PPP1R12B: variants seen among roughly 807,000 people sequenced by gnomAD.
PPP1R12B encodes the protein myosin phosphatase target subunit 2.
In PPP1R12B, 76 loss-of-function variants were observed where a neutral mutation model predicts 126.1. The observed-to-expected ratio is 0.60, with a 90% CI of 0.50 to 0.73. The LOEUF is 0.73. PPP1R12B is among the 30% of genes least tolerant of loss of function. PPP1R12B has a pLI of 0.00. For missense variants in PPP1R12B, 1,052 were observed against 1,205.1 expected, an observed-to-expected ratio of 0.87 and a Z score of 1.88; for synonymous variants, 356 against 434.7, an observed-to-expected ratio of 0.82 and a Z score of 2.25.
intron 18 of PPP1R12B, among the ~76,000 whole-genome samples, chr1:202,515,997 C>T (rs964090417): frequency 4.6e-5 from 7 of 152,224 alleles, no homozygotes; most frequent in Admixed American, 6.5e-5. Context: ...TCAAGTCCCT[C>T]CTCTGCTACT....
chr1:202,349,499 G>A (rs1463161223), intron 1 of PPP1R12B, among the ~76,000 whole-genome samples: 1 of 152,198 alleles, frequency 6.6e-6, no homozygotes, highest in Non-Finnish European at 1.5e-5. Context: ...CATAGGCACA[G>A]TGTCATTTGT....
Position 202,590,302 on chromosome 1 carries a change from T to G in PPP1R12B, c.*9742T>G, listed in dbSNP as rs1333211359. On this transcript the variant is annotated 3_prime_UTR_variant, in exon 24 of 24. Transcript: ENST00000608999. ...CCGCCCCGCCCAGCCTCCCAGACAA[T>G]GTTCCCCGGCACCACCACACTCCCC... is the stretch of plus-strand genomic sequence containing the variant. 3.7e-5 allele frequency: 3 copies of G among 80,448 alleles called. No homozygotes were observed. The highest frequency in any genetic ancestry group is 1.5e-4 in the African/African-American group (3 of 20,568). The allele number at this position is 80,448 out of a possible 1,614,324, so 5.0% of individuals were successfully genotyped here. A position where few individuals can be genotyped will look rare whatever the true frequency, so the allele number is the denominator to read the frequency against.
In PPP1R12B at chr1:202,532,509, A is replaced by G. The variant is rs553725737; in HGVS notation, c.2491-26368A>G. Among the ~76,000 whole-genome samples, 4 of 152,316 alleles carry G rather than the reference A, an allele frequency of 2.6e-5. 1 individual carries two copies. The East Asian group carries it at 7.7e-4, about 29-fold the overall frequency. Reference sequence around the variant, plus strand: ...CCAATACCTTAGTCTACTATGTGTAATGCATTCCAACATTTGCTATTCTGT... The same window carrying G: ...CCAATACCTTAGTCTACTATGTGTAGTGCATTCCAACATTTGCTATTCTGT... On this transcript the variant is annotated intron_variant, in intron 18 of 23. Transcript: ENST00000608999.
chr1:202,394,436 T>A (rs1664622622), intron 1 of PPP1R12B, among the ~76,000 whole-genome samples: 1 of 152,124 alleles, frequency 6.6e-6, no homozygotes, highest in Non-Finnish European at 1.5e-5. Context: ...AAAAATATAC[T>A]CTGTGTTACT....
At chr1:202,481,709 TA>T (rs1677395870) in intron 13 of PPP1R12B, among the ~76,000 whole-genome samples, 1 of 152,246 alleles carries the variant, frequency 6.6e-6, no homozygotes, top group African/African-American at 2.4e-5. Context: ...TCCATGCATT[TA>T]TCATTTCCTT....
chr1:202,403,798 A>G (rs533625961), intron 1 of PPP1R12B, among the ~76,000 whole-genome samples: 1 of 152,338 alleles, frequency 6.6e-6, no homozygotes, highest in South Asian at 2.1e-4. Context: ...ACTTCCTTAT[A>G]TTCCCTGTTT....
At chr1:202,400,576 G>A (rs1434400171) in intron 1 of PPP1R12B, among the ~76,000 whole-genome samples, 1 of 152,244 alleles carries the variant, frequency 6.6e-6, no homozygotes, top group Non-Finnish European at 1.5e-5. Context: ...GAAACAGCAT[G>A]TGTAAATATA....
intron 18 of PPP1R12B, among the ~76,000 whole-genome samples, chr1:202,521,502 CAAGAA>C (rs765539617): frequency 3.3e-5 from 5 of 151,942 alleles, no homozygotes; most frequent in Non-Finnish European, 7.4e-5. Flanking sequence ...GATAATGAAA[CAAGAA>C]GAGAAAGCTG....
rs1450421135 is a variant in PPP1R12B, at chr1:202,500,987, C to T, written c.2490+4165C>T. Reference sequence around the variant, plus strand: ...ACATAGTGCATAGTTTTAGTCTGAACCCATCTCCACTGGTAAATCCATGAA... The same window carrying T: ...ACATAGTGCATAGTTTTAGTCTGAATCCATCTCCACTGGTAAATCCATGAA... On this transcript the variant is annotated intron_variant, in intron 18 of 23. Transcript: ENST00000608999. Among the ~76,000 whole-genome samples the T allele has an allele frequency of 2.6e-5, 4 of 152,190 alleles. No individual in the cohort carries two copies. In the East Asian group the frequency reaches 7.7e-4, roughly 29 times the overall value.
In PPP1R12B at chr1:202,508,007, C is replaced by T. The variant is rs1681015710; in HGVS notation, c.2490+11185C>T. Among the ~76,000 whole-genome samples, 1 of 152,218 alleles carries T rather than the reference C, an allele frequency of 6.6e-6. No homozygotes were observed. The highest frequency in any genetic ancestry group is 2.1e-4 in the South Asian group (1 of 4,826). On this transcript the variant is annotated intron_variant, in intron 18 of 23. Coordinates refer to ENST00000608999, the MANE Select transcript of PPP1R12B (RefSeq NM_002481.4). This position sits in a 1 kb window ranked among gnomAD's most constrained non-coding sequence, Gnocchi z 4.5. Reference sequence around the variant, plus strand: ...AGGAATGTTGAGCTTAAGGCACTAACAGACGTTACCTTTAGAAGTGTTATT... The same window carrying T: ...AGGAATGTTGAGCTTAAGGCACTAATAGACGTTACCTTTAGAAGTGTTATT...
At chr1:202,490,708 A>G (rs2148844611) in intron 14 of PPP1R12B, among the ~76,000 whole-genome samples, 1 of 152,318 alleles carries the variant, frequency 6.6e-6, no homozygotes, top group East Asian at 1.9e-4. Flanking sequence ...AACCTCAAAT[A>G]AGTAGAATCA....
chr1:202,411,902 C>T (rs755768146), intron 1 of PPP1R12B, among the ~76,000 whole-genome samples: 3 of 152,136 alleles, frequency 2.0e-5, no homozygotes, highest in African/African-American at 4.8e-5. Context: ...TGTACTCAAG[C>T]GATCCTCCCA....
At chr1:202,440,247 G>A (rs1299462774) in intron 10 of PPP1R12B, among the ~76,000 whole-genome samples, 2 of 152,126 alleles carry the variant, frequency 1.3e-5, no homozygotes, top group African/African-American at 4.8e-5. Flanking sequence ...TACTGAAAGA[G>A]ATGAGGCATA....
intron 13 of PPP1R12B, among the ~76,000 whole-genome samples, chr1:202,456,669 A>G (rs1673679942): frequency 1.3e-5 from 2 of 152,232 alleles, no homozygotes; most frequent in African/African-American, 2.4e-5. Context: ...GTGGCAAGGA[A>G]GGAAATCTAT....
In PPP1R12B at chr1:202,434,755, C is replaced by G; in HGVS notation, c.1241C>G (p.Ser414Cys). 1 of 1,613,834 alleles carries G rather than the reference C, an allele frequency of 6.2e-7. No individual in the cohort carries two copies. Among genetic ancestry groups the G allele is most frequent in the African/African-American group, 1.3e-5 (1 of 75,036 alleles). ...PAPAQNTFSA[S>C]SARRFSSGLF... Reference sequence around the variant, plus strand: ...CCAGCTCAAAATACCTTCTCTGCCTCTTCTGCTAGGAGGGTGAGTACTTTT... The same window carrying G: ...CCAGCTCAAAATACCTTCTCTGCCTGTTCTGCTAGGAGGGTGAGTACTTTT... The change falls in exon 9 of 24, where the codon TCT becomes TGT. Residue 414 changes from serine to cysteine, a missense_variant. Coordinates refer to ENST00000608999, the MANE Select transcript of PPP1R12B (RefSeq NM_002481.4).
chr1:202,512,695 G>A (rs963039804), intron 18 of PPP1R12B, among the ~76,000 whole-genome samples: 27 of 152,126 alleles, frequency 1.8e-4, no homozygotes, highest in Admixed American at 7.2e-4. Context: ...AGCTCATATG[G>A]TAGTATTTCA....
At chr1:202,416,288 A>G (rs1163217867) in intron 1 of PPP1R12B, among the ~76,000 whole-genome samples, 1 of 152,160 alleles carries the variant, frequency 6.6e-6, no homozygotes, top group East Asian at 1.9e-4. Flanking sequence ...GCACTTTGGG[A>G]GGCTGAGGTG....
At chr1:202,351,280 G>A (rs1212425074) in intron 1 of PPP1R12B, among the ~76,000 whole-genome samples, 2 of 133,034 alleles carry the variant, frequency 1.5e-5, no homozygotes, top group African/African-American at 5.6e-5. Flanking sequence ...TATCTCCCAG[G>A]CTGGAGTACA....
chr1:202,444,749 T>C (rs1325955340), intron 12 of PPP1R12B, among the ~76,000 whole-genome samples: 1 of 152,202 alleles, frequency 6.6e-6, no homozygotes, highest in Non-Finnish European at 1.5e-5. Flanking sequence ...TATTCTACTT[T>C]CCTGCTTTCC....
Sources: allele counts gnomAD v4.1 joint callset (sites outside exome capture counted in the v4.1 genomes callset), GRCh38; gene constraint gnomAD v4.1.1; non-coding constraint Gnocchi (gnomAD v3.1); transcripts MANE v1.5; gene names NCBI Gene and HGNC (gene_info 2026-07-23, HGNC 2026-07-21).